The following CALCRL variants were observed in gnomAD, a reference collection of about 807,000 sequenced individuals.
CALCRL encodes calcitonin receptor like receptor, also known as calcitonin gene-related peptide type 1 receptor.
In CALCRL, 27 loss-of-function variants were observed where a neutral mutation model predicts 60.4. The ratio of observed to expected loss-of-function variants is 0.45; its 90% CI spans 0.33 to 0.62. The LOEUF is 0.62. Among genes scored for constraint, CALCRL ranks in the 20% least tolerant of loss-of-function variants. The pLI is 0.03. For missense variants in CALCRL, 424 were observed against 540.7 expected (o/e 0.78, Z 2.14); for synonymous variants, 190 against 182.6 (o/e 1.04, Z -0.33).
intron 8 of CALCRL, among the ~76,000 whole-genome samples, chr2:187,364,250 C>T (rs1687183089): frequency 6.6e-6 from 1 of 152,134 alleles, no homozygotes; most frequent in Admixed American, 6.6e-5. Context: ...AATCCACCTC[C>T]ACTCTAAGAA....
chr2:187,349,150 T>C (rs181091349), intron 14 of CALCRL, among the ~76,000 whole-genome samples: 1 of 151,798 alleles, frequency 6.6e-6, no homozygotes, highest in East Asian at 1.9e-4. Context: ...TCTTATGGAA[T>C]ATCTACCCTC....
chr2:187,343,314 A>C lies in CALCRL; in HGVS notation c.*2870T>G, dbSNP rs1686157787. ...AAATAAACTTTAACTCATAACTTTA[A>C]TATTTTCATACAATCAAAAAATAGA... is the stretch of plus-strand genomic sequence containing the variant. On this transcript the variant is annotated 3_prime_UTR_variant, in exon 15 of 15. Transcript: ENST00000392370. 1 of 151,852 alleles carries C rather than the reference A, an allele frequency of 6.6e-6. No individual in the cohort carries two copies. The highest frequency in any genetic ancestry group is 2.4e-5 in the African/African-American group (1 of 41,424). 9.4% of individuals were successfully genotyped at this position (151,852 alleles called of 1,614,324 possible).
chr2:187,411,594 G>A (rs1027886273), intron 1 of CALCRL, among the ~76,000 whole-genome samples: 3 of 152,122 alleles, frequency 2.0e-5, no homozygotes, highest in Non-Finnish European at 4.4e-5. Context: ...ATGCTAAGAT[G>A]TAGAATCGGT....
intron 1 of CALCRL, among the ~76,000 whole-genome samples, chr2:187,426,429 A>G (rs1323406738): frequency 2.6e-5 from 4 of 152,004 alleles, no homozygotes; most frequent in African/African-American, 9.7e-5. Flanking sequence ...TCCAGATTGC[A>G]TTATCACTAC....
At chr2:187,419,235 G>T (rs1210053478) in intron 1 of CALCRL, among the ~76,000 whole-genome samples, 1 of 151,712 alleles carries the variant, frequency 6.6e-6, no homozygotes, top group Admixed American at 6.6e-5. Flanking sequence ...CCCTCAATCT[G>T]GTTATATTTG....
intron 9 of CALCRL, among the ~76,000 whole-genome samples, chr2:187,361,586 G>T (rs570108163): frequency 4.6e-5 from 7 of 152,020 alleles, no homozygotes; most frequent in Admixed American, 3.9e-4. Flanking sequence ...AAAATGCACT[G>T]GATTGTTAAT....
intron 1 of CALCRL, among the ~76,000 whole-genome samples, chr2:187,429,052 T>C (rs1409878759): frequency 6.6e-6 from 1 of 152,126 alleles, no homozygotes; most frequent in Non-Finnish European, 1.5e-5. Flanking sequence ...TAGAAATTTA[T>C]AAGTTAATAT....
chr2:187,351,483 T>G (rs1477270179), intron 14 of CALCRL, among the ~76,000 whole-genome samples: 1 of 151,742 alleles, frequency 6.6e-6, no homozygotes, highest in African/African-American at 2.4e-5. Flanking sequence ...AATCCTTTCG[T>G]ATTTGCCATA....
Position 187,383,282 on chromosome 2 carries a change from T to C in CALCRL, c.75A>G (p.Glu25=), listed in dbSNP as rs373025086. The part of the protein sequence containing the change: ...FFMILVTAEL[E]ESPEDSIQLG... The stretch of plus-strand genomic sequence containing the variant: ...ACTGAATTGAGTCCTCAGGACTCTC[T>C]TCTAATTCTGCTGTAACAAGAATCT... The change falls in exon 5 of 15, where the codon GAA becomes GAG. Residue 25 remains glutamate (E), a synonymous_variant. Transcript: ENST00000392370. 1 of 1,605,912 alleles carries C rather than the reference T, an allele frequency of 6.2e-7. No individual in the cohort carries two copies. The highest frequency in any genetic ancestry group is 8.5e-7 in the Non-Finnish European group (1 of 1,177,288).
At chr2:187,378,051 A>G (rs1244119684) in intron 8 of CALCRL, among the ~76,000 whole-genome samples, 3 of 151,688 alleles carry the variant, frequency 2.0e-5, no homozygotes, top group Admixed American at 6.6e-5. Context: ...AGGAAAAAGA[A>G]GAACAAGAAG....
At chr2:187,446,969 A>G (rs544808414) in intron 1 of CALCRL, among the ~76,000 whole-genome samples, 1 of 152,084 alleles carries the variant, frequency 6.6e-6, no homozygotes, top group South Asian at 2.1e-4. Flanking sequence ...GAAAATATAT[A>G]ACTTAAAAAT....
chr2:187,346,782 G>A (rs115558439), intron 14 of CALCRL, among the ~76,000 whole-genome samples: 11 of 151,756 alleles, frequency 7.2e-5, no homozygotes, highest in African/African-American at 2.7e-4. Context: ...AAGACAATTC[G>A]TGACAGGATA....
At chr2:187,350,040 G>T (rs1250404387) in intron 14 of CALCRL, among the ~76,000 whole-genome samples, 1 of 151,548 alleles carries the variant, frequency 6.6e-6, no homozygotes, top group African/African-American at 2.4e-5. Flanking sequence ...ATAGACACAG[G>T]CTCCTGAAAT....
intron 1 of CALCRL, among the ~76,000 whole-genome samples, chr2:187,409,826 A>G (rs1342676319): frequency 1.3e-5 from 2 of 152,186 alleles, no homozygotes; most frequent in Non-Finnish European, 2.9e-5. Flanking sequence ...TCGACTAGGG[A>G]AAGACTGGAG....
chr2:187,344,485 C>T lies in CALCRL; in HGVS notation c.*1699G>A, dbSNP rs374824392. ...TGACTTTTCCCAAAATTGACTTTTA[C>T]TAATTGAAGTCATTCTTGTTCTTTA... On this transcript the variant is annotated 3_prime_UTR_variant, in exon 15 of 15. Coordinates refer to ENST00000392370, the MANE Select transcript of CALCRL (RefSeq NM_005795.6). The T allele has an allele frequency of 1.8e-4, 28 of 151,708 alleles. No homozygotes were observed. In the South Asian group the frequency reaches 5.6e-3, roughly 30 times the overall value. 9.4% of individuals were successfully genotyped at this position (151,708 alleles called of 1,614,324 possible). A position where few individuals can be genotyped will look rare whatever the true frequency, so the allele number is the denominator to read the frequency against.
intron 1 of CALCRL, among the ~76,000 whole-genome samples, chr2:187,424,109 G>A (rs1457919330): frequency 2.0e-5 from 3 of 152,018 alleles, no homozygotes; most frequent in Non-Finnish European, 4.4e-5. Flanking sequence ...ATTCCCATCT[G>A]GAGATAGGTG....
chr2:187,404,786 T>C (rs1689044036), intron 1 of CALCRL, among the ~76,000 whole-genome samples: 3 of 151,826 alleles, frequency 2.0e-5, no homozygotes, highest in East Asian at 3.9e-4. Flanking sequence ...AAAACTCACA[T>C]GAATGAGGCT....
In CALCRL at chr2:187,359,081, T is replaced by C; in HGVS notation, c.891A>G (p.Pro297=). Residue 297 remains proline, a synonymous_variant, in exon 12 of 15, where the codon CCA becomes CCG. Transcript: ENST00000392370. ...TACATACCAGTAAAGCAGCACAAAT[T>C]GGGCCATGGATAATGTAGAGGAGAT... ...DTHLLYIIHG[P]ICAALLVNLF... The C allele has an allele frequency of 6.2e-7, 1 of 1,612,890 alleles. No individual in the cohort carries two copies. The highest frequency in any genetic ancestry group is 1.1e-5 in the South Asian group (1 of 91,050).
At chr2:187,419,105 C>T (rs950182647) in intron 1 of CALCRL, among the ~76,000 whole-genome samples, 1 of 147,880 alleles carries the variant, frequency 6.8e-6, no homozygotes, top group African/African-American at 2.5e-5. Context: ...AATCTCCTGA[C>T]CTCATGATCC....
Sources: allele counts gnomAD v4.1 joint callset (sites outside exome capture counted in the v4.1 genomes callset), GRCh38; gene constraint gnomAD v4.1.1; transcripts MANE v1.5; gene names NCBI Gene and HGNC (gene_info 2026-07-23, HGNC 2026-07-21).